RNF17: variants seen among roughly 807,000 people sequenced by gnomAD.
RNF17 encodes the protein ring finger protein 17, also known as spermatogenesis associated 23.
Under a neutral mutation model 200.5 loss-of-function variants are expected in RNF17, and 31 were observed. The observed-to-expected ratio is 0.15, with a 90% CI of 0.12 to 0.21. RNF17 has a LOEUF of 0.21. RNF17 is among the 10% of genes least tolerant of loss of function. RNF17 has a pLI of 1.00. For synonymous variants in RNF17, 606 were observed against 637.8 expected (o/e 0.95, Z 0.75); for missense variants, 1,628 against 1,905.1 (o/e 0.85, Z 2.71).
chr13:24,767,292 T>C lies in RNF17; in HGVS notation c.151T>C (p.Cys51Arg), dbSNP rs748134408. The change falls in exon 2 of 36, where the codon TGT becomes CGT. Residue 51 changes from cysteine (C) to arginine (R), a missense_variant. Physicochemically the swap from Cys to Arg is radical, Grantham distance 180 (BLOSUM62 -3). Transcript: ENST00000255324. ...RSSGHHCELQ[C>R]GHAFCELCLL... ...AATAGGTCACCATTGTGAACTTCAA[T>C]GTGGACATGCTTTTTGTGAACTATG... 18 of 1,609,628 alleles carry C rather than the reference T, an allele frequency of 1.1e-5. No individual in the cohort carries two copies. Among genetic ancestry groups the C allele is most frequent in the Non-Finnish European group, 1.5e-5 (18 of 1,176,202 alleles).
At chr13:24,764,408 G>T in intron 1 of RNF17, 75 bp downstream of exon 1, 8 of 1,478,754 alleles carry the variant, frequency 5.4e-6, no homozygotes, top group Non-Finnish European at 7.2e-6. Flanking sequence ...GCTGGTGGGC[G>T]CGTGAGGCTT....
downstream of RNF17, among the ~76,000 whole-genome samples, chr13:24,882,064 CTATATAGATATATAGATACATCTATA>C (rs1566273182): frequency 1.9e-4 from 5 of 26,660 alleles, no homozygotes; most frequent in African/African-American, 6.1e-4. Flanking sequence ...ATAGATACAT[CTATATAGATATATAGATACATCTATA>C]TATATAGATA....
At chr13:24,843,101 A>G (rs553047007) in intron 19 of RNF17, among the ~76,000 whole-genome samples, 1 of 152,342 alleles carries the variant, frequency 6.6e-6, no homozygotes, top group African/African-American at 2.4e-5. Flanking sequence ...GACTCATACT[A>G]GTATTAATGA....
intron 1 of RNF17, among the ~76,000 whole-genome samples, chr13:24,764,603 G>C (rs1422522717): frequency 1.3e-5 from 2 of 152,210 alleles, no homozygotes; most frequent in African/African-American, 2.4e-5. Context: ...GGGCCCGGGT[G>C]GCTTTAATCT....
At chr13:24,888,485 G>A in the RNF17 span, among the ~76,000 whole-genome samples, 2 of 152,090 alleles carry the variant, frequency 1.3e-5, no homozygotes, top group East Asian at 3.8e-4. Flanking sequence ...ACCAGCTCAC[G>A]GAATCAACCA....
At chr13:24,885,925 A>G in the RNF17 span, 1 of 504,916 alleles carries the variant, frequency 2.0e-6, no homozygotes, top group African/African-American at 1.9e-5. Flanking sequence ...ACAGCCTGAC[A>G]GACCCAAATG....
chr13:24,821,985 T>C (rs1888113840), intron 15 of RNF17, among the ~76,000 whole-genome samples: 1 of 152,144 alleles, frequency 6.6e-6, no homozygotes, highest in East Asian at 1.9e-4. Context: ...CAGCTCTGTC[T>C]CTAGTGAGAG....
chr13:24,833,740 C>T (rs1003739411), intron 18 of RNF17, among the ~76,000 whole-genome samples: 5 of 152,186 alleles, frequency 3.3e-5, no homozygotes, highest in African/African-American at 7.2e-5. Flanking sequence ...TGTCTTTTCC[C>T]ATTCACCTGC....
rs150570888 is a variant in RNF17 at position 24,802,240 on chromosome 13, G to A, written c.1759-141G>A. 5.0e-5 allele frequency: 32 copies of A among 641,650 alleles called. No individual in the cohort carries two copies. In the African/African-American group the frequency reaches 5.4e-4, roughly 11 times the overall value. The allele number at this position is 641,650 out of a possible 1,614,324, so 39.7% of individuals were successfully genotyped here. On this transcript the variant is annotated intron_variant, in intron 13 of 35. Coordinates refer to ENST00000255324, the MANE Select transcript of RNF17 (RefSeq NM_031277.3). ...ACCTTGTGAGTCACCACGCCCGGCT[G>A]CCCTGGCTGTTTCCTAATGTCTGCG...
At chr13:24,763,541 T>C (rs908945914), upstream of RNF17, among the ~76,000 whole-genome samples, 1 of 152,060 alleles carries the variant, frequency 6.6e-6, no homozygotes, top group African/African-American at 2.4e-5. Flanking sequence ...TTACTGTCTC[T>C]AACACAGGTC....
At chr13:24,833,063 C>A (rs908709016) in intron 18 of RNF17, among the ~76,000 whole-genome samples, 1 of 152,082 alleles carries the variant, frequency 6.6e-6, no homozygotes, top group East Asian at 1.9e-4. Context: ...TGTTTTTCAT[C>A]TGATATTTTG....
At chr13:24,874,394 C>A in intron 33 of RNF17, 145 bp downstream of exon 33, 35 of 512,086 alleles carry the variant, frequency 6.8e-5, no homozygotes, top group Non-Finnish European at 9.2e-5. Flanking sequence ...TTAAAGTATA[C>A]ATAAAATTTA....
chr13:24,780,764 TC>T (rs1882242828), intron 5 of RNF17, among the ~76,000 whole-genome samples: 1 of 151,902 alleles, frequency 6.6e-6, no homozygotes, highest in African/African-American at 2.4e-5. Context: ...CACCTGTAGT[TC>T]CAGTTGCTGG....
At chr13:24,868,242 G>C (rs997947549) in intron 30 of RNF17, among the ~76,000 whole-genome samples, 4 of 151,662 alleles carry the variant, frequency 2.6e-5, no homozygotes, top group Non-Finnish European at 5.9e-5. Context: ...AGGCCGAGGC[G>C]GGCGGATCAC....
chr13:24,805,524 C>T (rs1321779211), intron 15 of RNF17, among the ~76,000 whole-genome samples: 9 of 152,154 alleles, frequency 5.9e-5, no homozygotes, highest in Admixed American at 5.9e-4. Flanking sequence ...TAGGATGTAT[C>T]AGAATTTCAT....
the RNF17 span, chr13:24,885,582 G>A: frequency 5.4e-6 from 8 of 1,491,432 alleles, no homozygotes; most frequent in African/African-American, 1.4e-5. Flanking sequence ...TATGTTTGAA[G>A]AATATATAAA....
At chr13:24,783,196 C>T (rs755471866) in intron 6 of RNF17, among the ~76,000 whole-genome samples, 4 of 152,166 alleles carry the variant, frequency 2.6e-5, no homozygotes, top group Admixed American at 2.0e-4. Flanking sequence ...CAAAAATGAG[C>T]TCACCATATA....
At chr13:24,785,447 C>A (rs1882978918) in intron 6 of RNF17, among the ~76,000 whole-genome samples, 1 of 152,236 alleles carries the variant, frequency 6.6e-6, no homozygotes, top group African/African-American at 2.4e-5. Flanking sequence ...GGATTTCAAT[C>A]TTTAAGTTTA....
chr13:24,817,941 CT>C (rs1263192796), intron 15 of RNF17, among the ~76,000 whole-genome samples: 5 of 151,996 alleles, frequency 3.3e-5, no homozygotes, highest in East Asian at 3.9e-4. Flanking sequence ...TCTTCTGCTA[CT>C]TTTGGGTAAT....
Sources: allele counts gnomAD v4.1 joint callset (sites outside exome capture counted in the v4.1 genomes callset), GRCh38; gene constraint gnomAD v4.1.1; transcripts MANE v1.5; gene names NCBI Gene and HGNC (gene_info 2026-07-23, HGNC 2026-07-21).